The following XIRP2 variants were observed in gnomAD, a reference collection of about 807,000 sequenced individuals.
XIRP2 encodes the protein xin actin binding repeat containing 2, also known as xin actin-binding repeat-containing protein 2.
A neutral mutation model predicts 277.0 loss-of-function variants in XIRP2; 236 were observed. That is an observed-to-expected ratio of 0.85 (90% confidence interval 0.77 to 0.95). XIRP2 has a LOEUF of 0.95. Among genes scored for constraint, XIRP2 ranks in the 40% least tolerant of loss-of-function variants. XIRP2 has a pLI of 0.00. For missense variants in XIRP2, 4,640 were observed against 4,157.5 expected, an observed-to-expected ratio of 1.12 and a Z score of -3.19; for synonymous variants, 1,490 against 1,416.5, an observed-to-expected ratio of 1.05 and a Z score of -1.17.
At chr2:167,167,448 G>A (rs549379007) in intron 3 of XIRP2, among the ~76,000 whole-genome samples, 2 of 152,096 alleles carry the variant, frequency 1.3e-5, no homozygotes, top group African/African-American at 4.8e-5. Context: ...TATTAATTGA[G>A]CATTTAGTGT....
At chr2:167,083,536 G>A (rs1397227192) in intron 2 of XIRP2, among the ~76,000 whole-genome samples, 1 of 152,196 alleles carries the variant, frequency 6.6e-6, no homozygotes, top group Non-Finnish European at 1.5e-5. Context: ...ACCTTGGGCA[G>A]TATGGCCATT....
chr2:167,043,738 C>A (rs1688721533), intron 2 of XIRP2, among the ~76,000 whole-genome samples: 1 of 152,012 alleles, frequency 6.6e-6, no homozygotes, highest in South Asian at 2.1e-4. Context: ...CAGATGGATT[C>A]ACAGCCAAAT....
chr2:167,008,075 A>T (rs1039884969), intron 2 of XIRP2, among the ~76,000 whole-genome samples: 2 of 151,550 alleles, frequency 1.3e-5, no homozygotes, highest in Non-Finnish European at 3.0e-5. Flanking sequence ...TGCAGGCTCC[A>T]TGAAGCCAGG....
At chr2:166,939,692 AAAAAAAC>A (rs1252087644) in intron 2 of XIRP2, among the ~76,000 whole-genome samples, 395 of 133,006 alleles carry the variant, frequency 3.0e-3, no homozygotes, top group Middle Eastern at 7.7e-3. Context: ...AAAAAAAAAA[AAAAAAAC>A]AAAAAACAAA....
At chr2:166,949,651 G>A (rs745514469) in intron 2 of XIRP2, among the ~76,000 whole-genome samples, 1 of 151,958 alleles carries the variant, frequency 6.6e-6, no homozygotes, top group Non-Finnish European at 1.5e-5. Flanking sequence ...ATGCAGTTGT[G>A]TTCATGTCAG....
intron 2 of XIRP2, among the ~76,000 whole-genome samples, chr2:166,971,965 GC>G (rs1467580676): frequency 6.6e-6 from 1 of 152,028 alleles, no homozygotes; most frequent in African/African-American, 2.4e-5. Context: ...AAGGACATTT[GC>G]TATGGACTGA....
intron 2 of XIRP2, among the ~76,000 whole-genome samples, chr2:167,037,549 G>GTA (rs1263581695): frequency 6.6e-6 from 1 of 151,230 alleles, no homozygotes; most frequent in African/African-American, 2.4e-5. Flanking sequence ...GTGTGTGTGT[G>GTA]TGTGTGTGTT....
At chr2:166,976,681 G>T (rs1376528700) in intron 2 of XIRP2, among the ~76,000 whole-genome samples, 4 of 151,890 alleles carry the variant, frequency 2.6e-5, no homozygotes. Context: ...TTTTGCTTCT[G>T]CATATGTCAC....
At chr2:166,999,997 A>G (rs1449561855) in intron 2 of XIRP2, among the ~76,000 whole-genome samples, 2 of 152,202 alleles carry the variant, frequency 1.3e-5, no homozygotes, top group Non-Finnish European at 2.9e-5. Flanking sequence ...GATATTTGGC[A>G]TAAAGTAGGC....
At position 167,258,393 on chromosome 2, in the gene XIRP2, T is replaced by C. The variant is rs541672664; in HGVS notation, c.*576T>C. On this transcript the variant is annotated 3_prime_UTR_variant, in exon 11 of 11. Transcript: ENST00000409195. ...CATGTTTGTCAGAAAGAGGATGTTA[T>C]AGGAATCAAAGAAATGAAAATGCCT... 14 of 1,613,122 alleles carry C rather than the reference T, an allele frequency of 8.7e-6. No homozygotes were observed. Among genetic ancestry groups the C allele is most frequent in the South Asian group, 1.1e-5 (1 of 91,048 alleles).
At chr2:167,255,718 T>C (rs2105455143) in intron 10 of XIRP2, among the ~76,000 whole-genome samples, 1 of 151,972 alleles carries the variant, frequency 6.6e-6, no homozygotes, top group Admixed American at 6.6e-5. Context: ...GGTTGCAAGA[T>C]ATTAATGCCC....
At chr2:166,967,217 C>T (rs1373581751) in intron 2 of XIRP2, among the ~76,000 whole-genome samples, 1 of 151,648 alleles carries the variant, frequency 6.6e-6, no homozygotes, top group Non-Finnish European at 1.5e-5. Flanking sequence ...TTGCTGAATC[C>T]CTATAGCAAG....
At chr2:167,086,039 G>A (rs1211373276) in intron 2 of XIRP2, among the ~76,000 whole-genome samples, 9 of 151,998 alleles carry the variant, frequency 5.9e-5, no homozygotes, top group East Asian at 3.9e-4. Flanking sequence ...TCCTAGTCTC[G>A]ATGGTCTTTA....
chr2:166,959,849 C>G (rs1030293860), intron 2 of XIRP2, among the ~76,000 whole-genome samples: 1 of 151,620 alleles, frequency 6.6e-6, no homozygotes, highest in African/African-American at 2.4e-5. Context: ...CAAACCAGGT[C>G]TATTAAACAC....
chr2:167,140,753 A>G (rs1351368427), intron 3 of XIRP2: 3 of 152,330 alleles, frequency 2.0e-5, no homozygotes, highest in East Asian at 3.9e-4. Context: ...TTTGTAAAAT[A>G]AAGAATCCAT....
At chr2:166,950,363 G>A (rs944884890) in intron 2 of XIRP2, among the ~76,000 whole-genome samples, 8 of 152,066 alleles carry the variant, frequency 5.3e-5, no homozygotes, top group African/African-American at 1.9e-4. Context: ...TTCCGTTCGT[G>A]TATTTAATTG....
intron 3 of XIRP2, among the ~76,000 whole-genome samples, chr2:167,182,275 A>G (rs554303150): frequency 1.3e-5 from 2 of 152,302 alleles, no homozygotes; most frequent in South Asian, 4.2e-4. Context: ...GCTAGCTAAT[A>G]ATATGAAACT....
At chr2:167,160,432 C>T (rs534006245) in intron 3 of XIRP2, among the ~76,000 whole-genome samples, 1 of 152,062 alleles carries the variant, frequency 6.6e-6, no homozygotes. Flanking sequence ...AAAGACATAC[C>T]CGAGACTGGG....
intron 3 of XIRP2, among the ~76,000 whole-genome samples, chr2:167,189,634 T>A (rs1693267206): frequency 3.9e-5 from 6 of 152,172 alleles, no homozygotes; most frequent in Admixed American, 3.3e-4. Context: ...AATTAATGAC[T>A]TTTTTAGAAC....
Sources: gnomAD v4.1 joint callset for allele counts (sites outside exome capture counted in the v4.1 genomes callset) on GRCh38, gnomAD v4.1.1 for gene constraint, MANE v1.5 for transcripts, NCBI Gene and HGNC (gene_info 2026-07-23, HGNC 2026-07-21) for gene names.